The following CSMD1 variants were observed in gnomAD, a reference collection of about 807,000 sequenced individuals.
CSMD1 encodes CUB and sushi domain-containing protein 1.
Under a neutral mutation model 417.5 loss-of-function variants are expected in CSMD1, and 213 were observed. The ratio of observed to expected loss-of-function variants is 0.51; its 90% CI spans 0.46 to 0.57. The LOEUF (loss-of-function observed/expected upper bound fraction) is 0.57. CSMD1 is among the 20% of genes least tolerant of loss of function. CSMD1 has a pLI of 0.00. For missense variants in CSMD1, 6,923 were observed against 4,529.7 expected, an observed-to-expected ratio of 1.53 and a Z score of -15.17; for synonymous variants, 2,862 against 1,736.8, an observed-to-expected ratio of 1.65 and a Z score of -16.11.
At chr8:4,468,221 G>A (rs985722339) in intron 2 of CSMD1, among the ~76,000 whole-genome samples, 4 of 152,210 alleles carry the variant, frequency 2.6e-5, no homozygotes, top group Non-Finnish European at 5.9e-5. Context: ...CCTGGGGCAT[G>A]CCTGGGGAAA....
At position 4,781,841 on chromosome 8, in the gene CSMD1, A is replaced by T. The variant is rs1308274571; in HGVS notation, c.86-144283T>A. Among the ~76,000 whole-genome samples the T allele has an allele frequency of 2.6e-5, 4 of 152,346 alleles. No homozygotes were observed. The East Asian group carries it at 7.7e-4, about 29-fold the overall frequency. ...AAACATCATTCACGATGACGGTTCCATATTTTAGTTTACATATCGAGAGGG... is the reference window on the plus strand; with the variant it reads ...AAACATCATTCACGATGACGGTTCCTTATTTTAGTTTACATATCGAGAGGG... On this transcript the variant is annotated intron_variant, in intron 1 of 69. Coordinates refer to ENST00000635120, the MANE Select transcript of CSMD1 (RefSeq NM_033225.6).
chr8:3,382,166 G>C (rs929042633), intron 18 of CSMD1, among the ~76,000 whole-genome samples: 4 of 151,966 alleles, frequency 2.6e-5, no homozygotes, highest in African/African-American at 9.7e-5. Flanking sequence ...GGCTGAGGCA[G>C]GGTAATCGCT....
intron 18 of CSMD1, chr8:3,373,383 C>T (rs1290557944): frequency 6.6e-6 from 1 of 152,192 alleles, no homozygotes; most frequent in Non-Finnish European, 1.5e-5. Flanking sequence ...TAAAGCTGCT[C>T]TCAGGCTTGT....
At chr8:4,955,670 G>T (rs1413700919) in intron 1 of CSMD1, among the ~76,000 whole-genome samples, 63 of 152,184 alleles carry the variant, frequency 4.1e-4, no homozygotes, top group Admixed American at 4.1e-3. Context: ...TGGCCAGGCT[G>T]GTCTCGAACT....
chr8:4,012,125 A>G (rs1012636465), intron 4 of CSMD1, among the ~76,000 whole-genome samples: 1 of 152,138 alleles, frequency 6.6e-6, no homozygotes, highest in Admixed American at 6.5e-5. Context: ...GATTTAAAAT[A>G]TATATATATT....
intron 23 of CSMD1, among the ~76,000 whole-genome samples, chr8:3,342,404 C>G (rs1468917298): frequency 6.6e-6 from 1 of 152,182 alleles, no homozygotes; most frequent in Non-Finnish European, 1.5e-5. Flanking sequence ...TTTCTAATGT[C>G]ATGGTGTTCA....
rs554323626 is a variant in CSMD1, at chr8:3,703,550, T to A, written c.1009+4864A>T. Among the ~76,000 whole-genome samples, 12 of 152,212 alleles carry A rather than the reference T, an allele frequency of 7.9e-5. No homozygotes were observed. In the South Asian group the frequency reaches 2.5e-3, roughly 32 times the overall value. On this transcript the variant is annotated intron_variant, in intron 7 of 69. Coordinates refer to ENST00000635120, the MANE Select transcript of CSMD1 (RefSeq NM_033225.6). Reference sequence around the variant, plus strand: ...ATGAGGAGGTATGGTGTGTGATCTGTGGGTCATGGATGGGAAAACCCCAAA... The same window carrying A: ...ATGAGGAGGTATGGTGTGTGATCTGAGGGTCATGGATGGGAAAACCCCAAA...
chr8:3,491,235 A>G (rs960082803), intron 11 of CSMD1, among the ~76,000 whole-genome samples: 1 of 152,214 alleles, frequency 6.6e-6, no homozygotes, highest in African/African-American at 2.4e-5. Context: ...ATCCTGGAGC[A>G]GTATCACATC....
At chr8:3,680,566 G>C (rs79079382) in intron 7 of CSMD1, among the ~76,000 whole-genome samples, 25 of 152,100 alleles carry the variant, frequency 1.6e-4, no homozygotes, top group African/African-American at 5.3e-4. Flanking sequence ...ACCAAAAAAA[G>C]TCCAGGACCA....
intron 7 of CSMD1, among the ~76,000 whole-genome samples, chr8:3,669,531 A>G (rs755154774): frequency 1.7e-4 from 26 of 152,186 alleles, no homozygotes; most frequent in Admixed American, 9.2e-4. Flanking sequence ...ATGAATCTTG[A>G]ATGGAGAAAC....
At chr8:4,449,131 T>A (rs1478797709) in intron 2 of CSMD1, among the ~76,000 whole-genome samples, 1 of 152,182 alleles carries the variant, frequency 6.6e-6, no homozygotes, top group Non-Finnish European at 1.5e-5. Flanking sequence ...GCTAATGAAG[T>A]CTAACCAGAC....
Position 3,475,460 on chromosome 8 carries a change from T to C in CSMD1, c.1449-6636A>G, listed in dbSNP as rs184112726. ...TTCCAAATAATGATGTAAATCTTAG[T>C]GTTATGTTAGGCAGCATACCAAGGG... is the stretch of plus-strand genomic sequence containing the variant. On this transcript the variant is annotated intron_variant, in intron 11 of 69. Transcript: ENST00000635120. 3.3e-3 allele frequency among the ~76,000 whole-genome samples: 507 copies of C among 152,360 alleles called. 2 individuals are homozygous for C. Among genetic ancestry groups the C allele is most frequent in the Non-Finnish European group, 4.4e-3 (299 of 68,038 alleles).
chr8:4,371,090 G>C (rs1176799849), intron 3 of CSMD1, among the ~76,000 whole-genome samples: 1 of 152,140 alleles, frequency 6.6e-6, no homozygotes, highest in Non-Finnish European at 1.5e-5. Context: ...TCTTTAGATG[G>C]GGCATTTTGT....
At chr8:4,440,981 AGT>A (rs1394397869) in intron 2 of CSMD1, among the ~76,000 whole-genome samples, 1 of 149,188 alleles carries the variant, frequency 6.7e-6, no homozygotes, top group African/African-American at 2.4e-5. Context: ...TAGATGACAC[AGT>A]GAGACTCTAT....
intron 49 of CSMD1, among the ~76,000 whole-genome samples, chr8:3,056,538 T>C (rs974091598): frequency 1.3e-5 from 2 of 151,986 alleles, no homozygotes; most frequent in Non-Finnish European, 1.5e-5. Context: ...CTGGCTATTT[T>C]TTGTATTTTT....
At chr8:3,720,799 G>A (rs192439826) in intron 6 of CSMD1, among the ~76,000 whole-genome samples, 1 of 151,968 alleles carries the variant, frequency 6.6e-6, no homozygotes, top group Non-Finnish European at 1.5e-5. Flanking sequence ...AGCTTCAGGA[G>A]ATGTGAACAT....
intron 1 of CSMD1, among the ~76,000 whole-genome samples, chr8:4,912,760 G>A (rs2117097965): frequency 6.6e-6 from 1 of 151,296 alleles, no homozygotes; most frequent in Admixed American, 6.6e-5. Flanking sequence ...GAGGCCAAAT[G>A]ACATAAAATG....
At chr8:3,023,064 T>C (rs1175290473) in intron 51 of CSMD1, among the ~76,000 whole-genome samples, 1 of 152,254 alleles carries the variant, frequency 6.6e-6, no homozygotes, top group Non-Finnish European at 1.5e-5. Context: ...TGATGTCCAA[T>C]GTCCACTCCA....
At chr8:3,841,200 C>A (rs942578703) in intron 5 of CSMD1, among the ~76,000 whole-genome samples, 6 of 152,012 alleles carry the variant, frequency 3.9e-5, no homozygotes, top group African/African-American at 1.4e-4. Flanking sequence ...CAAAGGAATT[C>A]CATACAATTT....
Sources: allele counts gnomAD v4.1 joint callset (sites outside exome capture counted in the v4.1 genomes callset), GRCh38; gene constraint gnomAD v4.1.1; transcripts MANE v1.5; gene names NCBI Gene and HGNC (gene_info 2026-07-23, HGNC 2026-07-21).